MPHOSPH8: variants seen among roughly 807,000 people sequenced by gnomAD.
The protein encoded by MPHOSPH8 is M-phase phosphoprotein 8, also known as M-phase phosphoprotein, mpp.
In MPHOSPH8, 45 loss-of-function variants were observed where a neutral mutation model predicts 87.3. The ratio of observed to expected loss-of-function variants is 0.52; its 90% CI spans 0.41 to 0.66. The LOEUF (loss-of-function observed/expected upper bound fraction) is 0.66. Ranked by LOEUF, MPHOSPH8 falls within the 30% of genes least tolerant of loss-of-function variation. The pLI is 0.00. For missense variants in MPHOSPH8, 883 were observed against 1,020.2 expected, an observed-to-expected ratio of 0.87 and a Z score of 1.83; for synonymous variants, 366 against 376.9, an observed-to-expected ratio of 0.97 and a Z score of 0.33.
chr13:19,659,155 CA>C lies in MPHOSPH8; in HGVS notation c.1702+38del. ...TTTGGAAATATTGAAATCCCTTTCA[CA>C]AATCTAGATTTATAAAATCTAACTT... On this transcript the variant is annotated intron_variant, in intron 6 of 13. Coordinates refer to ENST00000361479, the MANE Select transcript of MPHOSPH8 (RefSeq NM_017520.4). 3 of 1,610,784 alleles carry C rather than the reference CA, an allele frequency of 1.9e-6. 1 individual carries two copies. In the South Asian group the frequency reaches 3.3e-5, roughly 18 times the overall value.
chr13:19,646,782 G>T lies in MPHOSPH8; in HGVS notation c.709G>T (p.Asp237Tyr). The T allele has an allele frequency of 6.3e-7, 1 of 1,579,160 alleles. No homozygotes were observed. Among genetic ancestry groups the T allele is most frequent in the Non-Finnish European group, 8.6e-7 (1 of 1,167,386 alleles). ...LKKVKKGEIR[D>Y]LKTKTREDPK... ...GAAAGTTAAAAAGGGTGAAATAAGA[G>T]ATTTAAAGACGAAAACAAGAGAAGA... The change falls in exon 3 of 14, where the codon GAT (aspartate) becomes TAT (tyrosine). Residue 237 changes from aspartate to tyrosine, a missense_variant. Physicochemically the swap from Asp to Tyr is radical, Grantham distance 160. Coordinates refer to ENST00000361479, the MANE Select transcript of MPHOSPH8 (RefSeq NM_017520.4).
At chr13:19,665,919 T>C (rs550886149) in intron 9 of MPHOSPH8, among the ~76,000 whole-genome samples, 1 of 152,332 alleles carries the variant, frequency 6.6e-6, no homozygotes, top group African/African-American at 2.4e-5. Flanking sequence ...TTGTCTCCTT[T>C]AAAGCGGCAG....
chr13:19,642,548 AAG>A (rs972111654), intron 2 of MPHOSPH8, among the ~76,000 whole-genome samples: 2 of 152,180 alleles, frequency 1.3e-5, no homozygotes, highest in Non-Finnish European at 2.9e-5. Flanking sequence ...GTGGAGAAAA[AAG>A]AGACATGCCA....
chr13:19,633,718 G>T lies in MPHOSPH8; in HGVS notation c.-31G>T, dbSNP rs1368229859. ...GCTGCTGGGGTGTTTGTCGCAGCGGGTTTTCCTCGGCGGTTTGCGGAGCTG... is the reference window on the plus strand; with the variant it reads ...GCTGCTGGGGTGTTTGTCGCAGCGGTTTTTCCTCGGCGGTTTGCGGAGCTG... On this transcript the variant is annotated 5_prime_UTR_variant, in exon 1 of 14. Transcript: ENST00000361479. The T allele has an allele frequency of 1.3e-6, 2 of 1,562,964 alleles. No homozygotes were observed. Among genetic ancestry groups the T allele is most frequent in the South Asian group, 2.4e-5 (2 of 85,106 alleles).
intron 10 of MPHOSPH8, 98 bp from the exon 11 acceptor site, chr13:19,668,279 T>G: frequency 9.4e-7 from 1 of 1,065,986 alleles, no homozygotes; most frequent in Non-Finnish European, 1.4e-6. Context: ...CTGCAGGTCT[T>G]TGTTTGGAAG....
At chr13:19,653,280 C>T (rs1449827927) in intron 5 of MPHOSPH8, among the ~76,000 whole-genome samples, 2 of 152,214 alleles carry the variant, frequency 1.3e-5, no homozygotes, top group Non-Finnish European at 2.9e-5. Flanking sequence ...TGGTGATACC[C>T]AGGCAAACAG....
chr13:19,648,006 G>C (rs992259108), intron 3 of MPHOSPH8, among the ~76,000 whole-genome samples: 3 of 152,066 alleles, frequency 2.0e-5, no homozygotes, highest in African/African-American at 7.2e-5. Context: ...TGTGAACACA[G>C]TCATGTAAAA....
At chr13:19,658,902 C>A in intron 5 of MPHOSPH8, 93 bp from the exon 6 acceptor site, 2 of 1,463,352 alleles carry the variant, frequency 1.4e-6, no homozygotes, top group Admixed American at 4.3e-5. Context: ...GTACATAAAG[C>A]TTTGGTTAAG....
rs754426334 is a variant in MPHOSPH8, at chr13:19,673,088, GTT to G, written c.*1221_*1222del. 2 of 292,928 alleles carry G rather than the reference GTT, an allele frequency of 6.8e-6. No individual in the cohort carries two copies. The highest frequency in any genetic ancestry group is 3.8e-5 in the South Asian group (2 of 52,596). The allele number at this position is 292,928 out of a possible 1,614,324, so 18.1% of individuals were successfully genotyped here. ...AAAAAAGTTTCTTGGAACCTATACG[GTT>G]TTTTTTTGTTTTTTTTTTTTGAAAA... is the stretch of plus-strand genomic sequence containing the variant. On this transcript the variant is annotated 3_prime_UTR_variant, in exon 14 of 14. Coordinates refer to ENST00000361479, the MANE Select transcript of MPHOSPH8 (RefSeq NM_017520.4).
chr13:19,642,269 A>G lies in MPHOSPH8; in HGVS notation c.368A>G (p.Gln123Arg), dbSNP rs766470217. 1 of 1,584,352 alleles carries G rather than the reference A, an allele frequency of 6.3e-7. No individual in the cohort carries two copies. The highest frequency in any genetic ancestry group is 2.3e-5 in the East Asian group (1 of 43,962). Residue 123 changes from glutamine to arginine, a missense_variant and splice_region_variant, in exon 2 of 14, where the codon CAG becomes CGG. Around this residue, in one of 3 missense-constraint regions of MPHOSPH8, gnomAD observed 39 missense variants for 82.4 expected, o/e 0.47. Coordinates refer to ENST00000361479, the MANE Select transcript of MPHOSPH8 (RefSeq NM_017520.4). ...GCCAAAGCAGTCAGGAAGGATATTC[A>G]GGTACTATGTTTTGTCTCATATTTG... Reference protein sequence around the residue: ...NKAKAVRKDIQRLSLNNDIFE... With the variant: ...NKAKAVRKDIRRLSLNNDIFE...
intron 5 of MPHOSPH8, among the ~76,000 whole-genome samples, chr13:19,651,360 C>A (rs189800458): frequency 5.5e-4 from 84 of 152,150 alleles, no homozygotes; most frequent in Non-Finnish European, 1.1e-3. Context: ...AACCCCATCT[C>A]TACTAAAATA....
At chr13:19,636,494 T>G (rs1455315079) in intron 1 of MPHOSPH8, among the ~76,000 whole-genome samples, 5 of 152,080 alleles carry the variant, frequency 3.3e-5, no homozygotes, top group Non-Finnish European at 7.4e-5. Context: ...TTTCCTTTTT[T>G]TTTTTTGAGA....
chr13:19,648,543 T>G, intron 4 of MPHOSPH8, 22 bp downstream of exon 4: 1 of 1,304,390 alleles, frequency 7.7e-7, no homozygotes, highest in Non-Finnish European at 1.0e-6. Flanking sequence ...TATTAACGTT[T>G]TGCCATTTAC....
intron 7 of MPHOSPH8, among the ~76,000 whole-genome samples, chr13:19,659,954 GA>G (rs1449943104): frequency 9.8e-4 from 119 of 121,034 alleles, no homozygotes; most frequent in African/African-American, 3.0e-3. Flanking sequence ...GATATGTATG[GA>G]TTTTTTTTTT....
At chr13:19,641,457 G>C (rs554828181) in intron 1 of MPHOSPH8, among the ~76,000 whole-genome samples, 100 of 150,268 alleles carry the variant, frequency 6.7e-4, no homozygotes, top group Non-Finnish European at 1.1e-3. Flanking sequence ...CAAGTAGCTG[G>C]GACTACAGGC....
rs763452058 is a variant in MPHOSPH8, at chr13:19,671,254, C to T, written c.2506C>T (p.Leu836Phe). 18 of 1,613,884 alleles carry T rather than the reference C, an allele frequency of 1.1e-5. No individual in the cohort carries two copies. The highest frequency in any genetic ancestry group is 1.5e-5 in the Non-Finnish European group (18 of 1,179,980). Residue 836 changes from leucine to phenylalanine, a missense_variant, in exon 13 of 14, where the codon CTC (leucine) becomes TTC (phenylalanine). Around this residue, in one of 3 missense-constraint regions of MPHOSPH8, gnomAD observed 741 missense variants for 841.5 expected, o/e 0.88. Transcript: ENST00000361479. ...CAGCCCTGTTGCAGGTCCCAATAAA[C>T]TCTTCATAAGGTTGACAGAAGCACC... ...SFSPVAGPNK[L>F]FIRLTEAPSA...
At chr13:19,662,137 C>T (rs1473295070) in intron 8 of MPHOSPH8, among the ~76,000 whole-genome samples, 1 of 152,060 alleles carries the variant, frequency 6.6e-6, no homozygotes, top group Non-Finnish European at 1.5e-5. Flanking sequence ...GATGGGGTTT[C>T]ACCATGTTAG....
At chr13:19,660,981 T>C (rs531793198) in intron 7 of MPHOSPH8, 3 of 983,006 alleles carry the variant, frequency 3.1e-6, no homozygotes, top group Non-Finnish European at 3.6e-6. Flanking sequence ...AAATGAGAGC[T>C]GGGCGTGGTG....
At chr13:19,660,828 T>TA in intron 7 of MPHOSPH8, 1 of 600,442 alleles carries the variant, frequency 1.7e-6, no homozygotes, top group Non-Finnish European at 2.1e-6. Context: ...ATGAAATTCT[T>TA]ATAGTTTTTA....
Sources: allele counts gnomAD v4.1 joint callset (sites outside exome capture counted in the v4.1 genomes callset), GRCh38; gene constraint gnomAD v4.1.1; regional missense constraint gnomAD v4.1.1; transcripts MANE v1.5; gene names NCBI Gene and HGNC (gene_info 2026-07-23, HGNC 2026-07-21).